The following GABRB1 variants were observed in gnomAD, a reference collection of about 807,000 sequenced individuals.
GABRB1 encodes the protein gamma-aminobutyric acid receptor subunit beta-1.
Under a neutral mutation model 51.6 loss-of-function variants are expected in GABRB1, and 17 were observed. The observed-to-expected ratio is 0.33, with a 90% CI of 0.23 to 0.49. GABRB1 has a LOEUF of 0.49. Ranked by LOEUF, GABRB1 falls within the 20% of genes least tolerant of loss-of-function variation. The probability of loss-of-function intolerance (pLI) is 0.99; values close to 1 mark genes in which losing one functional copy is unlikely to be tolerated. For synonymous variants in GABRB1, 247 were observed against 218.9 expected, an observed-to-expected ratio of 1.13 and a Z score of -1.14; for missense variants, 410 against 600.6, an observed-to-expected ratio of 0.68 and a Z score of 3.32.
intron 3 of GABRB1, among the ~76,000 whole-genome samples, chr4:47,050,697 G>T (rs540030665): frequency 6.6e-6 from 1 of 152,216 alleles, no homozygotes; most frequent in South Asian, 2.1e-4. Flanking sequence ...TTGCATTCAG[G>T]AGTGAATTGA....
intron 4 of GABRB1, among the ~76,000 whole-genome samples, chr4:47,179,271 C>A (rs982075935): frequency 6.6e-6 from 1 of 152,092 alleles, no homozygotes; most frequent in African/African-American, 2.4e-5. Context: ...CAGCTTCATC[C>A]ATGTCCCTGC....
At chr4:47,294,149 C>T (rs949054980) in intron 4 of GABRB1, among the ~76,000 whole-genome samples, 1 of 152,144 alleles carries the variant, frequency 6.6e-6, no homozygotes, top group Non-Finnish European at 1.5e-5. Context: ...ATAGGAACAG[C>T]TCCGTTCTAC....
At chr4:47,279,083 A>ATGG (rs1723184638) in intron 4 of GABRB1, among the ~76,000 whole-genome samples, 1 of 147,272 alleles carries the variant, frequency 6.8e-6, no homozygotes, top group Non-Finnish European at 1.5e-5. Flanking sequence ...CTTTCTTAGG[A>ATGG]ATGGATGGAT....
chr4:47,145,351 C>G (rs1717114147), intron 3 of GABRB1, among the ~76,000 whole-genome samples: 1 of 151,974 alleles, frequency 6.6e-6, no homozygotes, highest in African/African-American at 2.4e-5. Flanking sequence ...CATAGTGACT[C>G]CACACTAAAC....
At chr4:47,349,603 G>A (rs557386025) in intron 5 of GABRB1, among the ~76,000 whole-genome samples, 16 of 152,044 alleles carry the variant, frequency 1.1e-4, no homozygotes, top group East Asian at 1.9e-4. Context: ...CCCTTTGTCC[G>A]GTGGATCCAC....
chr4:47,228,067 A>C (rs997027636), intron 4 of GABRB1, among the ~76,000 whole-genome samples: 7 of 152,156 alleles, frequency 4.6e-5, no homozygotes, highest in African/African-American at 1.7e-4. Flanking sequence ...ATTTGGAAGG[A>C]ACACAGTTTA....
chr4:47,072,065 A>C (rs1175486718), intron 3 of GABRB1, among the ~76,000 whole-genome samples: 1 of 151,926 alleles, frequency 6.6e-6, no homozygotes, highest in Non-Finnish European at 1.5e-5. Context: ...AAACAAGTAG[A>C]AGTGATACAA....
chr4:47,385,265 A>G (rs879647145), intron 5 of GABRB1, among the ~76,000 whole-genome samples: 3 of 152,236 alleles, frequency 2.0e-5, no homozygotes, highest in Admixed American at 1.3e-4. Flanking sequence ...GAGATTTCTC[A>G]CAAACTTTGC....
chr4:47,278,226 C>G (rs930833192), intron 4 of GABRB1, among the ~76,000 whole-genome samples: 1 of 152,106 alleles, frequency 6.6e-6, no homozygotes, highest in African/African-American at 2.4e-5. Context: ...ATGACTGGCA[C>G]GTAGTGAGCA....
chr4:47,115,611 T>A (rs967100109), intron 3 of GABRB1, among the ~76,000 whole-genome samples: 1 of 152,074 alleles, frequency 6.6e-6, no homozygotes, highest in African/African-American at 2.4e-5. Context: ...CTAGGAAATA[T>A]CCTTAGTAAA....
intron 3 of GABRB1, chr4:47,033,026 A>T (rs1263366040): frequency 9.7e-6 from 3 of 307,830 alleles, no homozygotes; most frequent in Non-Finnish European, 2.0e-5. Context: ...GGCTAAGACA[A>T]CAGTCCATGT....
chr4:47,266,757 C>G (rs142486759), intron 4 of GABRB1, among the ~76,000 whole-genome samples: 173 of 152,168 alleles, frequency 1.1e-3, no homozygotes, highest in African/African-American at 3.9e-3. Context: ...TATTCTTCAA[C>G]TGCTGGACAG....
At chr4:47,180,599 A>G (rs1160776222) in intron 4 of GABRB1, among the ~76,000 whole-genome samples, 1 of 152,044 alleles carries the variant, frequency 6.6e-6, no homozygotes, top group African/African-American at 2.4e-5. Context: ...ATTTGTTACC[A>G]AATTTCTTTA....
chr4:47,298,084 C>T (rs897268831), intron 4 of GABRB1, among the ~76,000 whole-genome samples: 13 of 152,166 alleles, frequency 8.5e-5, no homozygotes, highest in East Asian at 3.9e-4. Context: ...ATTGATGGGA[C>T]GTATCTCAAA....
intron 1 of GABRB1, among the ~76,000 whole-genome samples, chr4:47,007,307 T>C (rs899257717): frequency 1.3e-5 from 2 of 152,152 alleles, no homozygotes; most frequent in Non-Finnish European, 2.9e-5. Context: ...GATAAAGAGG[T>C]AAACCTGTCA....
chr4:46,997,052 T>A (rs890079699), intron 1 of GABRB1, among the ~76,000 whole-genome samples: 1 of 152,180 alleles, frequency 6.6e-6, no homozygotes, highest in African/African-American at 2.4e-5. Flanking sequence ...GTATTTTGCA[T>A]AGGTGGGAAG....
chr4:47,175,052 C>T lies in GABRB1; in HGVS notation c.461+13583C>T, dbSNP rs939886152. ...TCCTTCCTCCCTCCCTCCTTCCCTC[C>T]CTCCCTTCTTTCCTTCCTCCTTTCC... On this transcript the variant is annotated intron_variant, in intron 4 of 8. Transcript: ENST00000295454. 4.7e-5 allele frequency among the ~76,000 whole-genome samples: 7 copies of T among 148,844 alleles called. No individual in the cohort carries two copies. The South Asian group carries it at 1.5e-3, about 33-fold the overall frequency.
chr4:47,398,954 C>T (rs1465385870), intron 5 of GABRB1, among the ~76,000 whole-genome samples: 1 of 152,160 alleles, frequency 6.6e-6, no homozygotes, highest in Non-Finnish European at 1.5e-5. Flanking sequence ...CCACGTCCGG[C>T]TAATTTTCTG....
intron 5 of GABRB1, among the ~76,000 whole-genome samples, chr4:47,382,876 A>G (rs1032020430): frequency 1.3e-5 from 2 of 152,212 alleles, no homozygotes; most frequent in African/African-American, 4.8e-5. Context: ...GCCAAATTAC[A>G]TGGAGTAAAA....
Sources: allele counts gnomAD v4.1 joint callset (sites outside exome capture counted in the v4.1 genomes callset), GRCh38; gene constraint gnomAD v4.1.1; transcripts MANE v1.5; gene names NCBI Gene and HGNC (gene_info 2026-07-23, HGNC 2026-07-21).